The following FBXL13 variants were observed in gnomAD, a reference collection of about 807,000 sequenced individuals.
FBXL13 encodes the protein F-box and leucine rich repeat protein 13.
FBXL13 carries 67 observed loss-of-function variants against 83.6 expected under a neutral mutation model. The observed-to-expected ratio is 0.80, with a 90% CI of 0.66 to 0.98. The LOEUF (loss-of-function observed/expected upper bound fraction) is 0.98. Among genes scored for constraint, FBXL13 ranks in the 50% least tolerant of loss-of-function variants. The pLI is 0.00. For missense variants in FBXL13, 822 were observed against 866.5 expected (o/e 0.95, Z 0.64); for synonymous variants, 272 against 299.5 (o/e 0.91, Z 0.95).
Position 102,931,687 on chromosome 7 carries a change from A to G in FBXL13, c.777+194T>C, listed in dbSNP as rs138739263. ...ATTTCTACTTGCCAGAGGCTCCAACACTGAGCATACATCTACATGATTAAT... is the reference window on the plus strand; with the variant it reads ...ATTTCTACTTGCCAGAGGCTCCAACGCTGAGCATACATCTACATGATTAAT... On this transcript the variant is annotated intron_variant, in intron 9 of 19. Coordinates refer to ENST00000313221, the Ensembl canonical transcript of FBXL13. Among the ~76,000 whole-genome samples the G allele has an allele frequency of 9.9e-3, 1,512 of 152,340 alleles. 19 individuals carry two copies. Among genetic ancestry groups the G allele is most frequent in the Non-Finnish European group, 0.016 (1,080 of 68,028 alleles).
chr7:102,971,409 C>T (rs1826635489), intron 6 of FBXL13, among the ~76,000 whole-genome samples: 1 of 151,728 alleles, frequency 6.6e-6, no homozygotes, highest in African/African-American at 2.4e-5. Context: ...ACCAGCCTGA[C>T]CAAGATGAAG....
At chr7:102,812,338 A>G (rs1797479037), downstream of FBXL13, among the ~76,000 whole-genome samples, 1 of 152,238 alleles carries the variant, frequency 6.6e-6, no homozygotes, top group Non-Finnish European at 1.5e-5. Context: ...TTGAGGGAGC[A>G]TCTTTTTTGG....
exon 20 of FBXL13, chr7:102,813,339 A>C (rs781114614): frequency 6.3e-7 from 1 of 1,597,898 alleles, no homozygotes; most frequent in Non-Finnish European, 8.5e-7. Context: ...TTGAGGCTGA[A>C]GGTCACGCTG....
chr7:102,903,658 C>T (rs987059120), intron 11 of FBXL13, among the ~76,000 whole-genome samples: 2 of 151,434 alleles, frequency 1.3e-5, no homozygotes, highest in Non-Finnish European at 3.0e-5. Flanking sequence ...TTTTTTCTCT[C>T]CTGCTCCATA....
chr7:103,053,100 G>T (rs562664908), intron 2 of FBXL13, among the ~76,000 whole-genome samples: 29 of 151,970 alleles, frequency 1.9e-4, no homozygotes, highest in African/African-American at 6.8e-4. Context: ...AAGTAGCTAT[G>T]ATGTCTCTTG....
At chr7:103,058,730 G>A (rs1268451088) in intron 1 of FBXL13, among the ~76,000 whole-genome samples, 1 of 152,210 alleles carries the variant, frequency 6.6e-6, no homozygotes, top group Non-Finnish European at 1.5e-5. Context: ...GCATACTGAT[G>A]TCTGAGAATG....
intron 11 of FBXL13, among the ~76,000 whole-genome samples, chr7:102,905,341 G>C (rs1045234528): frequency 6.6e-6 from 1 of 152,094 alleles, no homozygotes; most frequent in African/African-American, 2.4e-5. Context: ...TTGCTGAATT[G>C]GCTTCTTTAT....
intron 10 of FBXL13, among the ~76,000 whole-genome samples, chr7:102,919,662 T>G (rs887884925): frequency 2.1e-4 from 32 of 152,192 alleles, no homozygotes; most frequent in Non-Finnish European, 4.4e-5. Flanking sequence ...TCAAAGTTTA[T>G]GGACCAATAT....
chr7:102,932,885 G>A (rs186684391), intron 8 of FBXL13, among the ~76,000 whole-genome samples: 191 of 152,230 alleles, frequency 1.3e-3, no homozygotes, highest in Middle Eastern at 3.4e-3. Flanking sequence ...ATGAGCCACC[G>A]CACCTGGCCA....
At chr7:102,934,179 CAAGA>C (rs2129473665) in intron 8 of FBXL13, 1 of 1,614,232 alleles carries the variant, frequency 6.2e-7, no homozygotes, top group South Asian at 1.1e-5. Context: ...ATGCTGCTAG[CAAGA>C]AACAAGATCC....
Position 102,939,462 on chromosome 7 carries a change from G to C in FBXL13, c.725-7529C>G, listed in dbSNP as rs752042716. 20 of 1,613,234 alleles carry C rather than the reference G, an allele frequency of 1.2e-5. No individual in the cohort carries two copies. In the East Asian group the frequency reaches 4.2e-4, roughly 34 times the overall value. On this transcript the variant is annotated intron_variant, in intron 8 of 19. Coordinates refer to ENST00000313221, the Ensembl canonical transcript of FBXL13. The stretch of plus-strand genomic sequence containing the variant: ...AAAAGTGCCAAACAACATCCCTCCA[G>C]ATATTGTTAAACTTGACTTGTCATA...
chr7:103,008,892 T>C (rs1341630626), intron 6 of FBXL13, among the ~76,000 whole-genome samples: 1 of 152,226 alleles, frequency 6.6e-6, no homozygotes, highest in Non-Finnish European at 1.5e-5. Flanking sequence ...ATAAATTATA[T>C]TGTCGTTTAT....
At chr7:103,066,827 C>A (rs1405189167) in intron 1 of FBXL13, among the ~76,000 whole-genome samples, 3 of 142,696 alleles carry the variant, frequency 2.1e-5, no homozygotes, top group Non-Finnish European at 3.0e-5. Context: ...GTTTCGCTCT[C>A]ATTGCCCAGG....
chr7:102,902,683 T>C (rs1238802010), intron 11 of FBXL13, among the ~76,000 whole-genome samples: 1 of 152,212 alleles, frequency 6.6e-6, no homozygotes, highest in Non-Finnish European at 1.5e-5. Context: ...TTGAAGAGAC[T>C]GTCTTTTCCT....
At chr7:103,068,656 G>A (rs1798625915) in intron 1 of FBXL13, among the ~76,000 whole-genome samples, 1 of 152,286 alleles carries the variant, frequency 6.6e-6, no homozygotes, top group Non-Finnish European at 1.5e-5. Context: ...GGACAGGGCT[G>A]GGCCCAGGCA....
chr7:102,951,914 T>C (rs778180550), intron 8 of FBXL13, among the ~76,000 whole-genome samples: 1 of 152,062 alleles, frequency 6.6e-6, no homozygotes, highest in Admixed American at 6.6e-5. Flanking sequence ...TATAGTAGTA[T>C]TATTCACAAT....
At chr7:102,884,912 C>T (rs1360891395) in intron 11 of FBXL13, among the ~76,000 whole-genome samples, 2 of 152,098 alleles carry the variant, frequency 1.3e-5, no homozygotes, top group African/African-American at 4.8e-5. Context: ...TTGTTCCTGG[C>T]TTCTTTCACT....
intron 16 of FBXL13, among the ~76,000 whole-genome samples, chr7:102,860,445 T>A (rs1009475605): frequency 6.6e-6 from 1 of 152,198 alleles, no homozygotes; most frequent in South Asian, 2.1e-4. Context: ...AGAAATAGCA[T>A]GGACAGAGAC....
chr7:102,878,685 G>T (rs886077504), intron 14 of FBXL13, among the ~76,000 whole-genome samples: 1 of 152,048 alleles, frequency 6.6e-6, no homozygotes, highest in African/African-American at 2.4e-5. Context: ...CTGTTCCTTT[G>T]TTCATAATTT....
Sources: gnomAD v4.1 joint callset for allele counts (sites outside exome capture counted in the v4.1 genomes callset) on GRCh38, gnomAD v4.1.1 for gene constraint, MANE v1.5 for transcripts, NCBI Gene and HGNC (gene_info 2026-07-23, HGNC 2026-07-21) for gene names.